NONO: variants seen among roughly 807,000 people sequenced by gnomAD.
The protein encoded by NONO is non-POU domain-containing octamer-binding protein.
Under a neutral mutation model 40.2 loss-of-function variants are expected in NONO, and 6 were observed. That is an observed-to-expected ratio of 0.15 (90% CI 0.08 to 0.29). The LOEUF (loss-of-function observed/expected upper bound fraction) is 0.29. NONO is among the 10% of genes least tolerant of loss of function. The pLI is 1.00. For synonymous variants in NONO, 89 were observed against 123.3 expected (o/e 0.72, Z 1.85); for missense variants, 133 against 397.8 (o/e 0.33, Z 5.66).
Position 71,300,387 on chromosome X carries a change from GTTT to G in NONO, c.*323_*325del, listed in dbSNP as rs34459863. ...GAGCCCATTAATCTTGATCATTCCG[GTTT>G]TTTTTTTTTTTGTCCATCTTGTTTC... is the stretch of plus-strand genomic sequence containing the variant. On this transcript the variant is annotated 3_prime_UTR_variant, in exon 12 of 12. Coordinates refer to ENST00000276079, the MANE Select transcript of NONO (RefSeq NM_007363.5). 8.0e-5 allele frequency: 19 copies of G among 238,943 alleles called. No homozygotes were observed. Among genetic ancestry groups the G allele is most frequent in the African/African-American group, 1.6e-4 (5 of 30,837 alleles). 19.7% of individuals were successfully genotyped at this position (238,943 alleles called of 1,213,427 possible).
At chrX:71,294,130 T>C in intron 4 of NONO, 97 bp from the exon 5 acceptor site, 1 of 855,777 alleles carries the variant, frequency 1.2e-6, no homozygotes, top group Non-Finnish European at 1.6e-6. Context: ...GTTTAGTTTT[T>C]CCGGGGAGAT....
intron 1 of NONO, chrX:71,283,965 C>T (rs771271355): frequency 2.7e-5 from 3 of 112,168 alleles, no homozygotes; most frequent in African/African-American, 9.7e-5. Flanking sequence ...TTGTGCAACT[C>T]ATCTCCGAAT....
At position 71,296,841 on chromosome X, in the gene NONO, T is replaced by C. The variant is rs35702657; in HGVS notation, c.747-10T>C. The C allele has an allele frequency of 0.021, 25,053 of 1,197,856 alleles. 1,945 individuals are homozygous for C. In the Admixed American group the frequency reaches 0.31, roughly 15 times the overall value. On this transcript the variant is annotated splice_polypyrimidine_tract_variant and intron_variant, in intron 6 of 11. Coordinates refer to ENST00000276079, the MANE Select transcript of NONO (RefSeq NM_007363.5). The stretch of plus-strand genomic sequence containing the variant: ...GGACAAAGTTAGTAACCTAGGAACC[T>C]TGCCTATAGGGAACGAGAGCAGCCA...
At position 71,294,281 on chromosome X, in the gene NONO, C is replaced by T. The variant is rs1016039382; in HGVS notation, c.403C>T (p.Arg135Cys). Reference protein sequence around the residue: ...AKVELDNMPLRGKQLRVRFAC... With the variant: ...AKVELDNMPLCGKQLRVRFAC... The stretch of plus-strand genomic sequence containing the variant: ...AGTGGAGCTGGACAATATGCCACTC[C>T]GTGGAAAGCAGCTGCGTGTGCGCTT... Residue 135 changes from arginine (R) to cysteine (C), a missense_variant, in exon 5 of 12, where the codon CGT becomes TGT. Physicochemically the swap from Arg to Cys is radical, Grantham distance 180. Transcript: ENST00000276079. 8.3e-7 allele frequency: 1 copy of T among 1,212,091 alleles called. No homozygotes were observed. Among genetic ancestry groups the T allele is most frequent in the Non-Finnish European group, 1.1e-6 (1 of 895,533 alleles).
intron 5 of NONO, among the ~76,000 whole-genome samples, chrX:71,295,289 A>G (rs1479502475): frequency 9.2e-6 from 1 of 108,896 alleles, no homozygotes; most frequent in Non-Finnish European, 1.9e-5. Flanking sequence ...GATCGAGACC[A>G]TCCTGGCTAA....
At chrX:71,294,682 C>A (rs1251269856) in intron 5 of NONO, among the ~76,000 whole-genome samples, 154 bp downstream of exon 5, 1 of 112,218 alleles carries the variant, frequency 8.9e-6, no homozygotes, top group Non-Finnish European at 1.9e-5. Context: ...CTTTGGGAGG[C>A]CGGGGCAGGC....
At chrX:71,289,903 C>T (rs1401542396) in intron 2 of NONO, among the ~76,000 whole-genome samples, 1 of 111,627 alleles carries the variant, frequency 9.0e-6, no homozygotes, top group Non-Finnish European at 1.9e-5. Context: ...TCCCAAGTAG[C>T]TGGGATTACA....
intron 4 of NONO, among the ~76,000 whole-genome samples, chrX:71,293,456 G>A (rs1251639912): frequency 1.8e-5 from 2 of 108,895 alleles, no homozygotes; most frequent in Non-Finnish European, 3.8e-5. Flanking sequence ...GGTGGTAAGC[G>A]CCTGTAATCC....
At chrX:71,297,695 C>T (rs1263188015) in intron 8 of NONO, 141 bp from the exon 9 acceptor site, 1 of 522,640 alleles carries the variant, frequency 1.9e-6, no homozygotes. Context: ...TGGGGGTTGC[C>T]TCAGGGCTGG....
At chrX:71,286,523 A>G (rs757145509) in intron 2 of NONO, among the ~76,000 whole-genome samples, 1 of 112,066 alleles carries the variant, frequency 8.9e-6, no homozygotes, top group African/African-American at 3.2e-5. Flanking sequence ...AAAAATTATC[A>G]GTAACCTAAA....
In NONO at chrX:71,294,232, C is replaced by G. The variant is rs2031387728; in HGVS notation, c.354C>G (p.Thr118=). 1.7e-6 allele frequency: 2 copies of G among 1,210,502 alleles called. No homozygotes were observed. Among genetic ancestry groups the G allele is most frequent in the Non-Finnish European group, 2.2e-6 (2 of 894,383 alleles). ...GATTTTCCTCTGCTTCCTAGGAAAC[C>G]CGAACCCTAGCGGAGATTGCCAAAG... ...DKGFGFIRLE[T]RTLAEIAKVE... is the part of the protein sequence containing the mutation. Residue 118 remains threonine, a synonymous_variant, in exon 5 of 12, where the codon ACC becomes ACG. Transcript: ENST00000276079.
chrX:71,297,371 T>G lies in NONO; in HGVS notation c.944-6T>G. 13 of 1,171,598 alleles carry G rather than the reference T, an allele frequency of 1.1e-5. No homozygotes were observed. Among genetic ancestry groups the G allele is most frequent in the Non-Finnish European group, 1.5e-5 (13 of 873,886 alleles). ...GAGGAATATTCTTAGTCTGTTGTTT[T>G]TTTAGATTTGATGAGGCGCCAAGAA... On this transcript the variant is annotated splice_region_variant and splice_polypyrimidine_tract_variant and intron_variant, in intron 7 of 11. Transcript: ENST00000276079.
chrX:71,290,110 C>T (rs376334277), intron 2 of NONO, among the ~76,000 whole-genome samples: 4 of 110,690 alleles, frequency 3.6e-5, no homozygotes, highest in East Asian at 2.9e-4. Context: ...GGGGGTCTCA[C>T]GGTGTTGTCT....
chrX:71,292,649 T>C (rs1260224656), intron 4 of NONO: 1 of 112,305 alleles, frequency 8.9e-6, no homozygotes, highest in Non-Finnish European at 1.9e-5. Context: ...TGTCCCCCCA[T>C]GATCAAGAGA....
Position 71,283,644 on chromosome X carries a change from G to A in NONO, c.-144G>A, listed in dbSNP as rs940875222. 2.7e-5 allele frequency: 3 copies of A among 111,274 alleles called. No individual in the cohort carries two copies. Among genetic ancestry groups the A allele is most frequent in the Admixed American group, 9.6e-5 (1 of 10,440 alleles). 9.2% of individuals were successfully genotyped at this position (111,274 alleles called of 1,213,427 possible). Reference sequence around the variant, plus strand: ...CGAGCTCCGTCGTCTCGTTTCCGGCGGTCGCGCGCTCTTTTCTCGGGACGG... The same window carrying A: ...CGAGCTCCGTCGTCTCGTTTCCGGCAGTCGCGCGCTCTTTTCTCGGGACGG... On this transcript the variant is annotated 5_prime_UTR_variant, in exon 1 of 12. Transcript: ENST00000276079.
chrX:71,294,478 T>C lies in NONO; in HGVS notation c.600T>C (p.Ala200=). 2.5e-6 allele frequency: 3 copies of C among 1,211,767 alleles called. No homozygotes were observed. Among genetic ancestry groups the C allele is most frequent in the Non-Finnish European group, 3.4e-6 (3 of 895,359 alleles). ...KGIVEFSGKP[A]ARKALDRCSE... ...TTGTTGAGTTCTCAGGGAAGCCAGC[T>C]GCTCGGAAAGCTCTGGACAGATGCA... The change falls in exon 5 of 12, where the codon GCT becomes GCC. Residue 200 remains alanine (A), a synonymous_variant. Coordinates refer to ENST00000276079, the MANE Select transcript of NONO (RefSeq NM_007363.5).
intron 5 of NONO, among the ~76,000 whole-genome samples, chrX:71,295,468 G>C (rs1234990879): frequency 9.3e-6 from 1 of 107,688 alleles, no homozygotes; most frequent in African/African-American, 3.4e-5. Flanking sequence ...GCCTGGGCAA[G>C]AGAACAAGAC....
intron 5 of NONO, 91 bp downstream of exon 5, chrX:71,294,619 T>C: frequency 1.1e-6 from 1 of 916,733 alleles, no homozygotes; most frequent in Non-Finnish European, 1.5e-6. Flanking sequence ...CTTTTCTATG[T>C]TTAAAGACTT....
At chrX:71,291,733 A>G (rs2031332095) in intron 3 of NONO, 46 bp from the exon 4 acceptor site, 1 of 974,311 alleles carries the variant, frequency 1.0e-6, no homozygotes, top group Admixed American at 3.4e-5. Flanking sequence ...ATACGACTAT[A>G]ATTCTATTTC....
Sources: gnomAD v4.1 joint callset for allele counts (sites outside exome capture counted in the v4.1 genomes callset) on GRCh38, gnomAD v4.1.1 for gene constraint, MANE v1.5 for transcripts, NCBI Gene and HGNC (gene_info 2026-07-23, HGNC 2026-07-21) for gene names.